The following UTRN variants were observed in gnomAD, a reference collection of about 807,000 sequenced individuals.
UTRN encodes dystrophin-related protein 1.
A neutral mutation model predicts 463.9 loss-of-function variants in UTRN; 283 were observed. That is an observed-to-expected ratio of 0.61 (90% CI 0.55 to 0.67). UTRN has a LOEUF of 0.67. Among genes scored for constraint, UTRN ranks in the 30% least tolerant of loss-of-function variants. The pLI is 0.00. For missense variants in UTRN, 3,922 were observed against 4,084.3 expected (o/e 0.96, Z 1.08); for synonymous variants, 1,442 against 1,431.5 (o/e 1.01, Z -0.17).
At position 144,459,353 on chromosome 6, in the gene UTRN, T is replaced by C; in HGVS notation, c.2706T>C (p.Asn902=). 6.3e-7 allele frequency: 1 copy of C among 1,579,088 alleles called. No individual in the cohort carries two copies. Among genetic ancestry groups the C allele is most frequent in the East Asian group, 2.3e-5 (1 of 44,368 alleles). Residue 902 remains asparagine, a splice_region_variant and synonymous_variant, in exon 21 of 75, where the codon AAT becomes AAC. Transcript: ENST00000367545. ...AGGATCGTCAACAACATCTAGAGAA[T>C]GGTAAACCCAACAATTTTAAAATCT... The part of the protein sequence containing the change: ...AVEDRQQHLE[N]ELKGQPGHAY...
At chr6:144,387,621 A>G (rs975395019) in intron 2 of UTRN, among the ~76,000 whole-genome samples, 4 of 152,240 alleles carry the variant, frequency 2.6e-5, no homozygotes, top group Non-Finnish European at 5.9e-5. Flanking sequence ...CTGAAGAGAG[A>G]ATTAGCACTC....
intron 53 of UTRN, among the ~76,000 whole-genome samples, chr6:144,702,731 A>C (rs1038468390): frequency 6.6e-6 from 1 of 152,180 alleles, no homozygotes; most frequent in Non-Finnish European, 1.5e-5. Flanking sequence ...ATTTAGGGAA[A>C]GGAGGCAGAG....
chr6:144,772,896 G>A (rs1353771118), intron 59 of UTRN, among the ~76,000 whole-genome samples: 1 of 151,802 alleles, frequency 6.6e-6, no homozygotes, highest in Admixed American at 6.6e-5. Flanking sequence ...GGGAAAAACA[G>A]CACCCGAAGC....
intron 54 of UTRN, among the ~76,000 whole-genome samples, chr6:144,737,496 G>T (rs1424353571): frequency 6.6e-6 from 1 of 152,156 alleles, no homozygotes; most frequent in Non-Finnish European, 1.5e-5. Context: ...TATTTCTGAA[G>T]ACAGAATATA....
intron 25 of UTRN, among the ~76,000 whole-genome samples, 184 bp downstream of exon 25, chr6:144,474,943 T>C (rs938305115): frequency 6.6e-6 from 1 of 152,212 alleles, no homozygotes; most frequent in African/African-American, 2.4e-5. Flanking sequence ...AGGGTGCTGA[T>C]TGTCCAGTTT....
intron 2 of UTRN, among the ~76,000 whole-genome samples, chr6:144,345,648 G>A (rs961860121): frequency 6.6e-6 from 1 of 152,108 alleles, no homozygotes; most frequent in Non-Finnish European, 1.5e-5. Context: ...ATTCCAGTTT[G>A]GACAACAGAG....
chr6:144,694,608 T>C (rs1783787790), intron 52 of UTRN, among the ~76,000 whole-genome samples: 1 of 152,170 alleles, frequency 6.6e-6, no homozygotes, highest in East Asian at 1.9e-4. Flanking sequence ...CTTTTCTTGG[T>C]TCAGTCCTGG....
chr6:144,725,932 C>T (rs751069384), intron 53 of UTRN, among the ~76,000 whole-genome samples: 2 of 152,194 alleles, frequency 1.3e-5, no homozygotes, highest in African/African-American at 2.4e-5. Context: ...ATGGTTCCCA[C>T]CTGCCCAGGC....
At position 144,772,016 on chromosome 6, in the gene UTRN, G is replaced by GTTTTTT. The variant is rs748399313; in HGVS notation, c.8557+80_8557+85dup. On this transcript the variant is annotated intron_variant, in intron 59 of 74. Coordinates refer to ENST00000367545, the MANE Select transcript of UTRN (RefSeq NM_007124.3). The stretch of plus-strand genomic sequence containing the variant: ...AATTAACCTAAACAACTGAGAACCG[G>GTTTTTT]TTTTTTTTTTTTTTTTTTTTTTTTT... The GTTTTTT allele has an allele frequency of 2.0e-4, 25 of 127,560 alleles. 5 individuals carry two copies. The highest frequency in any genetic ancestry group is 3.5e-4 in the African/African-American group (5 of 14,116). 7.9% of individuals were successfully genotyped at this position (127,560 alleles called of 1,614,324 possible). A position where few individuals can be genotyped will look rare whatever the true frequency, so the allele number is the denominator to read the frequency against.
chr6:144,492,629 T>C (rs1315368699), intron 32 of UTRN, among the ~76,000 whole-genome samples: 1 of 152,238 alleles, frequency 6.6e-6, no homozygotes, highest in Admixed American at 6.5e-5. Flanking sequence ...TGATTTACAA[T>C]CCTACCAACA....
At position 144,754,777 on chromosome 6, in the gene UTRN, T is replaced by C. The variant is rs1791798664; in HGVS notation, c.8413T>C (p.Ser2805Pro). ...LQEAHRDFGP[S>P]SQHFLSTSVQ... ...GGAAGCCCACAGAGATTTTGGACCATCCTCTCAGCATTTTCTCTCTAGTAA... is the reference window on the plus strand; with the variant it reads ...GGAAGCCCACAGAGATTTTGGACCACCCTCTCAGCATTTTCTCTCTAGTAA... The change falls in exon 57 of 75, where the codon TCC (serine) becomes CCC (proline). Residue 2805 changes from serine to proline, a missense_variant. Ser to Pro is a moderately conservative substitution (Grantham distance 74). Coordinates refer to ENST00000367545, the MANE Select transcript of UTRN (RefSeq NM_007124.3). The C allele has an allele frequency of 3.7e-6, 6 of 1,613,568 alleles. No individual in the cohort carries two copies. The highest frequency in any genetic ancestry group is 5.1e-6 in the Non-Finnish European group (6 of 1,179,688).
At chr6:144,653,920 T>C (rs1381047131) in intron 51 of UTRN, among the ~76,000 whole-genome samples, 2 of 152,234 alleles carry the variant, frequency 1.3e-5, no homozygotes, top group Non-Finnish European at 2.9e-5. Context: ...CATTTTGTAA[T>C]CAGCCTACTG....
chr6:144,727,761 T>C (rs530847286), intron 53 of UTRN, among the ~76,000 whole-genome samples: 1 of 151,634 alleles, frequency 6.6e-6, no homozygotes, highest in African/African-American at 2.4e-5. Flanking sequence ...CGAGACTCTG[T>C]CTCAAAAAAC....
intron 2 of UTRN, among the ~76,000 whole-genome samples, chr6:144,393,218 A>T (rs775362967): frequency 6.6e-6 from 1 of 152,222 alleles, no homozygotes; most frequent in Non-Finnish European, 1.5e-5. Flanking sequence ...AGTTTTGCCA[A>T]TTAGGTACCA....
At chr6:144,395,200 A>G (rs1246511903) in intron 2 of UTRN, among the ~76,000 whole-genome samples, 2 of 152,168 alleles carry the variant, frequency 1.3e-5, no homozygotes, top group South Asian at 2.1e-4. Context: ...GACTCATATC[A>G]TTATGACTAA....
chr6:144,686,298 C>T (rs957810998), intron 52 of UTRN, among the ~76,000 whole-genome samples: 4 of 152,032 alleles, frequency 2.6e-5, no homozygotes, highest in Non-Finnish European at 1.5e-5. Flanking sequence ...TTAATTGAGA[C>T]TTGTTTTGTG....
At chr6:144,406,906 T>C (rs758218123) in intron 3 of UTRN, among the ~76,000 whole-genome samples, 17 of 152,166 alleles carry the variant, frequency 1.1e-4, no homozygotes, top group Non-Finnish European at 2.5e-4. Flanking sequence ...TTCCTCTCGC[T>C]CCCTCATTTT....
chr6:144,449,492 T>A (rs910246588), intron 17 of UTRN, among the ~76,000 whole-genome samples: 3 of 152,218 alleles, frequency 2.0e-5, no homozygotes, highest in Non-Finnish European at 4.4e-5. Context: ...GAGCAGATGC[T>A]GACTGAGTCT....
chr6:144,776,374 A>G (rs1477988912), intron 60 of UTRN, among the ~76,000 whole-genome samples: 1 of 152,092 alleles, frequency 6.6e-6, no homozygotes. Flanking sequence ...GGATTGCCCC[A>G]TCTCCACTGT....
Sources: gnomAD v4.1 joint callset for allele counts (sites outside exome capture counted in the v4.1 genomes callset) on GRCh38, gnomAD v4.1.1 for gene constraint, MANE v1.5 for transcripts, NCBI Gene and HGNC (gene_info 2026-07-23, HGNC 2026-07-21) for gene names.